DGKB: variants seen among roughly 807,000 people sequenced by gnomAD.
DGKB encodes the protein 90 kDa diacylglycerol kinase.
Under a neutral mutation model 114.3 loss-of-function variants are expected in DGKB, and 67 were observed. That is an observed-to-expected ratio of 0.59 (90% CI 0.48 to 0.72). The LOEUF is 0.72. Ranked by LOEUF, DGKB falls within the 30% of genes least tolerant of loss-of-function variation. The pLI, the probability that DGKB is intolerant of heterozygous loss-of-function variation, is 0.00. For synonymous variants in DGKB, 398 were observed against 323.1 expected, an observed-to-expected ratio of 1.23 and a Z score of -2.49; for missense variants, 907 against 975.2, an observed-to-expected ratio of 0.93 and a Z score of 0.93.
intron 6 of DGKB, among the ~76,000 whole-genome samples, chr7:14,714,076 AAC>A (rs71004329): frequency 0.053 from 7,819 of 147,594 alleles, 243 homozygotes; most frequent in South Asian, 0.069. Flanking sequence ...TACCTGTTGA[AAC>A]ACACACACAC....
At chr7:14,628,513 C>A (rs765071538) in intron 14 of DGKB, among the ~76,000 whole-genome samples, 1 of 152,036 alleles carries the variant, frequency 6.6e-6, no homozygotes, top group Non-Finnish European at 1.5e-5. Flanking sequence ...AGGCAAGATA[C>A]CATTTCCAAT....
At chr7:14,778,573 T>G (rs1245527834) in intron 2 of DGKB, among the ~76,000 whole-genome samples, 1 of 152,214 alleles carries the variant, frequency 6.6e-6, no homozygotes, top group Non-Finnish European at 1.5e-5. Context: ...TCCAGTTGCT[T>G]GATTTTTTAG....
chr7:14,239,492 A>G (rs1373915161), intron 23 of DGKB, among the ~76,000 whole-genome samples: 4 of 152,034 alleles, frequency 2.6e-5, no homozygotes, highest in Admixed American at 1.3e-4. Flanking sequence ...CAAGCAATGA[A>G]GTCATAGTAA....
intron 12 of DGKB, among the ~76,000 whole-genome samples, chr7:14,675,975 T>C (rs1428222334): frequency 6.6e-6 from 1 of 152,094 alleles, no homozygotes; most frequent in African/African-American, 2.4e-5. Context: ...AGTTTATGCA[T>C]CATATTTCTT....
chr7:14,518,297 C>A (rs1449350772), intron 20 of DGKB, among the ~76,000 whole-genome samples: 1 of 151,964 alleles, frequency 6.6e-6, no homozygotes, highest in Non-Finnish European at 1.5e-5. Context: ...ATAACAGACA[C>A]TGGGAACTCT....
chr7:14,477,009 C>T (rs746314128), intron 21 of DGKB, among the ~76,000 whole-genome samples: 64 of 152,014 alleles, frequency 4.2e-4, no homozygotes, highest in Non-Finnish European at 7.1e-4. Context: ...CTTGGCCTCC[C>T]AAAGTGCTGG....
chr7:14,377,771 T>C (rs190279340), intron 21 of DGKB, among the ~76,000 whole-genome samples: 10 of 152,282 alleles, frequency 6.6e-5, no homozygotes, highest in Admixed American at 3.3e-4. Flanking sequence ...CTTTCCTGGG[T>C]CCCTGGGATC....
chr7:14,150,602 G>A (rs1782046180), intron 25 of DGKB, among the ~76,000 whole-genome samples: 1 of 152,036 alleles, frequency 6.6e-6, no homozygotes, highest in African/African-American at 2.4e-5. Flanking sequence ...CCTGTAAAAG[G>A]CCACTAAGGC....
chr7:14,507,120 A>T (rs1787211756), intron 20 of DGKB, among the ~76,000 whole-genome samples: 1 of 152,186 alleles, frequency 6.6e-6, no homozygotes, highest in South Asian at 2.1e-4. Flanking sequence ...TATTGTGTTA[A>T]GCCATAGAGA....
intron 2 of DGKB, among the ~76,000 whole-genome samples, chr7:14,769,162 G>T (rs924159897): frequency 7.3e-6 from 1 of 137,862 alleles, no homozygotes; most frequent in African/African-American, 2.8e-5. Flanking sequence ...AGGGAGGGAG[G>T]GAAGGGAAGG....
At chr7:14,725,142 G>A (rs1032131651) in intron 5 of DGKB, among the ~76,000 whole-genome samples, 1 of 151,696 alleles carries the variant, frequency 6.6e-6, no homozygotes, top group African/African-American at 2.4e-5. Context: ...CTGCAGTCTG[G>A]GCAACAAACA....
intron 23 of DGKB, among the ~76,000 whole-genome samples, chr7:14,302,759 T>C (rs777032879): frequency 6.6e-5 from 10 of 152,128 alleles, no homozygotes; most frequent in Non-Finnish European, 1.5e-4. Flanking sequence ...AAATGCTCCA[T>C]ATCGCCTTGT....
intron 1 of DGKB, among the ~76,000 whole-genome samples, chr7:14,933,562 A>T (rs1252366811): frequency 6.6e-6 from 1 of 152,110 alleles, no homozygotes; most frequent in Non-Finnish European, 1.5e-5. Context: ...ATCACTCCAA[A>T]ATTTCCTTCA....
intron 1 of DGKB, among the ~76,000 whole-genome samples, chr7:14,955,574 T>A (rs1390717014): frequency 6.6e-6 from 1 of 152,028 alleles, no homozygotes; most frequent in Non-Finnish European, 1.5e-5. Context: ...ACAGCATTGA[T>A]GTAAACGTTC....
intron 1 of DGKB, among the ~76,000 whole-genome samples, chr7:14,917,429 T>C (rs1020107624): frequency 5.3e-5 from 8 of 151,950 alleles, no homozygotes; most frequent in Non-Finnish European, 7.4e-5. Context: ...CTAACATCTG[T>C]AGCAAAATAG....
intron 2 of DGKB, among the ~76,000 whole-genome samples, chr7:14,767,994 T>C (rs1352854295): frequency 1.3e-5 from 2 of 151,966 alleles, no homozygotes; most frequent in Non-Finnish European, 2.9e-5. Context: ...AATTAGTTTC[T>C]GAACATAAAA....
intron 1 of DGKB, among the ~76,000 whole-genome samples, chr7:14,878,871 C>CTCTTT (rs1349546924): frequency 1.1e-4 from 16 of 148,968 alleles, no homozygotes; most frequent in African/African-American, 4.1e-4. Context: ...GAATCCATTG[C>CTCTTT]AAATCTTGCA....
chr7:14,167,557 G>A (rs899247875), intron 25 of DGKB, among the ~76,000 whole-genome samples: 1 of 152,100 alleles, frequency 6.6e-6, no homozygotes, highest in Non-Finnish European at 1.5e-5. Context: ...CTATGAAGTT[G>A]CATTTGATCA....
intron 23 of DGKB, among the ~76,000 whole-genome samples, chr7:14,331,101 G>T (rs931405128): frequency 2.0e-5 from 3 of 151,714 alleles, no homozygotes; most frequent in African/African-American, 7.3e-5. Context: ...GCTATTATTT[G>T]CATTACCATT....
Sources: gnomAD v4.1 joint callset for allele counts (sites outside exome capture counted in the v4.1 genomes callset) on GRCh38, gnomAD v4.1.1 for gene constraint, MANE v1.5 for transcripts, NCBI Gene and HGNC (gene_info 2026-07-23, HGNC 2026-07-21) for gene names.